CCDC191: variants seen among roughly 807,000 people sequenced by gnomAD.
CCDC191 encodes coiled-coil domain containing 191, also known as coiled-coil domain-containing protein 191.
Under a neutral mutation model 114.0 loss-of-function variants are expected in CCDC191, and 99 were observed. The observed-to-expected ratio is 0.87, with a 90% CI of 0.74 to 1.03. The LOEUF (loss-of-function observed/expected upper bound fraction) is 1.03, where lower values mean the gene tolerates loss of function less well. Among genes scored for constraint, CCDC191 ranks in the 50% least tolerant of loss-of-function variants. CCDC191 has a pLI of 0.00. For missense variants in CCDC191, 973 were observed against 1,087.0 expected, an observed-to-expected ratio of 0.90 and a Z score of 1.47; for synonymous variants, 351 against 376.0, an observed-to-expected ratio of 0.93 and a Z score of 0.77.
intron 7 of CCDC191, among the ~76,000 whole-genome samples, chr3:114,023,179 C>T (rs1429632964): frequency 4.6e-5 from 7 of 152,136 alleles, no homozygotes; most frequent in Non-Finnish European, 1.5e-5. Context: ...AGGAGAACTA[C>T]AAACCACTGC....
chr3:114,036,635 A>G lies in CCDC191; in HGVS notation c.567T>C (p.Arg189=). 6.2e-7 allele frequency: 1 copy of G among 1,602,462 alleles called. No homozygotes were observed. The highest frequency in any genetic ancestry group is 8.5e-7 in the Non-Finnish European group (1 of 1,173,722). The change falls in exon 5 of 17, where the codon CGT becomes CGC. Residue 189 remains arginine, a synonymous_variant. Transcript: ENST00000295878. ...NQDKKQQKDP[R]LTMEMRHKQV... is the part of the protein sequence containing the mutation. ...GCTTATGTCTCATCTCCATGGTAAG[A>G]CGAGGATCCTTCTGCTGCTTCTTGT...
intron 8 of CCDC191, among the ~76,000 whole-genome samples, chr3:114,016,229 T>C (rs1315375207): frequency 6.6e-6 from 1 of 152,232 alleles, no homozygotes; most frequent in Non-Finnish European, 1.5e-5. Context: ...TAAGTTTCTA[T>C]AGTGAGTAAC....
At chr3:113,988,572 G>A (rs2075448595) in intron 13 of CCDC191, among the ~76,000 whole-genome samples, 1 of 141,106 alleles carries the variant, frequency 7.1e-6, no homozygotes, top group African/African-American at 2.7e-5. Flanking sequence ...GTTGTGGTGA[G>A]CAGAGATCAC....
At position 113,978,323 on chromosome 3, in the gene CCDC191, A is replaced by G. The variant is rs559557017; in HGVS notation, c.2469T>C (p.Ile823=). 8 of 1,613,832 alleles carry G rather than the reference A, an allele frequency of 5.0e-6. No homozygotes were observed. Among genetic ancestry groups the G allele is most frequent in the South Asian group, 4.4e-5 (4 of 91,078 alleles). The stretch of plus-strand genomic sequence containing the variant: ...ATTTTCTTACTTCTTCCTGCAGATC[A>G]ATCACGTACTGGGGATGAAGACAGA... ...RVIQSWLQYV[I]DLQEEVRKFC... The change falls in exon 16 of 17, where the codon ATT becomes ATC. Residue 823 remains isoleucine (I), a synonymous_variant. Coordinates refer to ENST00000295878, the MANE Select transcript of CCDC191 (RefSeq NM_020817.2).
chr3:113,978,876 G>T lies in CCDC191; in HGVS notation c.2442C>A (p.Val814=). The change falls in exon 15 of 17, where the codon GTC becomes GTA. Residue 814 remains valine (V), a synonymous_variant. Coordinates refer to ENST00000295878, the MANE Select transcript of CCDC191 (RefSeq NM_020817.2). ...QFYSQILLKR[V]IQSWLQYVID... ...TCCTTACCTGTAGCCAGCTCTGGAT[G>T]ACTCTCTTAAGCAGTATTTGGGAAT... The T allele has an allele frequency of 6.2e-7, 1 of 1,613,972 alleles. No individual in the cohort carries two copies. The highest frequency in any genetic ancestry group is 8.5e-7 in the Non-Finnish European group (1 of 1,179,904).
Position 114,036,671 on chromosome 3 carries a change from C to T in CCDC191, c.531G>A (p.Lys177=). 2 of 1,604,080 alleles carry T rather than the reference C, an allele frequency of 1.2e-6. No homozygotes were observed. Among genetic ancestry groups the T allele is most frequent in the African/African-American group, 1.3e-5 (1 of 74,422 alleles). ...TCTGCTGCTTCTTGTCTTGGTTTTC[C>T]TTCCTTCCAAGATCTTCCATCATTG... ...DSAMMEDLGR[K]ENQDKKQQKD... is the part of the protein sequence containing the mutation. Residue 177 remains lysine, a synonymous_variant, in exon 5 of 17, where the codon AAG becomes AAA. Coordinates refer to ENST00000295878, the MANE Select transcript of CCDC191 (RefSeq NM_020817.2).
Position 114,027,610 on chromosome 3 carries a change from A to AG in CCDC191, c.972+4015_972+4016insC, listed in dbSNP as rs112855291. On this transcript the variant is annotated intron_variant, in intron 7 of 16. Transcript: ENST00000295878. ...GGGCAAGACTCTGTCTCAAAAAAAA[A>AG]AAAAAAAAAAAAGAAAAAAAAATCC... Among the ~76,000 whole-genome samples the AG allele has an allele frequency of 4.8e-3, 723 of 149,310 alleles. 6 individuals are homozygous for AG. Among genetic ancestry groups the AG allele is most frequent in the African/African-American group, 0.016 (655 of 41,002 alleles).
At position 114,031,747 on chromosome 3, in the gene CCDC191, T is replaced by C; in HGVS notation, c.851A>G (p.Asn284Ser). 1 of 1,490,122 alleles carries C rather than the reference T, an allele frequency of 6.7e-7. No individual in the cohort carries two copies. Among genetic ancestry groups the C allele is most frequent in the Non-Finnish European group, 9.3e-7 (1 of 1,069,998 alleles). 92.3% of individuals were successfully genotyped at this position (1,490,122 alleles called of 1,614,324 possible). A position where few individuals can be genotyped will look rare whatever the true frequency, so the allele number is the denominator to read the frequency against. The change falls in exon 7 of 17, where the codon AAT becomes AGT. Residue 284 changes from asparagine to serine, a missense_variant. Physicochemically the swap from Asn to Ser is conservative, Grantham distance 46. Transcript: ENST00000295878. ...EKKRQEENSQ[N>S]SSEKVMFQST... ...TTGAAACATGACTTTTTCTGAACTATTTTGAGAATTCTCTTCTTGCCTTTT... is the reference window on the plus strand; with the variant it reads ...TTGAAACATGACTTTTTCTGAACTACTTTGAGAATTCTCTTCTTGCCTTTT...
At chr3:113,986,221 A>G (rs552470623) in intron 13 of CCDC191, among the ~76,000 whole-genome samples, 1 of 152,366 alleles carries the variant, frequency 6.6e-6, no homozygotes, top group African/African-American at 2.4e-5. Context: ...CTGCTAGAAG[A>G]TACAGCCAAG....
intron 7 of CCDC191, among the ~76,000 whole-genome samples, chr3:114,024,490 C>T (rs565724051): frequency 6.6e-6 from 1 of 152,124 alleles, no homozygotes; most frequent in East Asian, 1.9e-4. Flanking sequence ...GAAAATGTGG[C>T]ACATATACAC....
At chr3:113,979,555 TAAAC>T (rs2075065270) in intron 14 of CCDC191, among the ~76,000 whole-genome samples, 2 of 152,202 alleles carry the variant, frequency 1.3e-5, no homozygotes, top group African/African-American at 4.8e-5. Context: ...TCTATCAAAA[TAAAC>T]ATACAAATCA....
intron 2 of CCDC191, among the ~76,000 whole-genome samples, chr3:114,051,525 T>C (rs1559937039): frequency 6.6e-6 from 1 of 152,186 alleles, no homozygotes; most frequent in Non-Finnish European, 1.5e-5. Flanking sequence ...CCCAGGAGTT[T>C]GAGACTAGCC....
At chr3:113,981,581 C>T (rs1229212108) in intron 13 of CCDC191, among the ~76,000 whole-genome samples, 2 of 152,148 alleles carry the variant, frequency 1.3e-5, no homozygotes, top group African/African-American at 4.8e-5. Flanking sequence ...CTTTCATAGT[C>T]GTCATCTTTG....
At chr3:114,035,260 C>G in intron 5 of CCDC191, 112 bp from the exon 6 acceptor site, 1 of 702,014 alleles carries the variant, frequency 1.4e-6, no homozygotes, top group Non-Finnish European at 2.4e-6. Flanking sequence ...AATATGCTGG[C>G]CCAGAACTCC....
intron 16 of CCDC191, among the ~76,000 whole-genome samples, chr3:113,968,626 GT>G (rs373015779): frequency 8.0e-4 from 109 of 136,906 alleles, no homozygotes; most frequent in South Asian, 3.6e-3. Context: ...ATAGTTTTTT[GT>G]TTTTTTTTTT....
rs575661748 is a variant in CCDC191, at chr3:114,017,313, T to C, written c.1163+1365A>G. On this transcript the variant is annotated intron_variant, in intron 8 of 16. Coordinates refer to ENST00000295878, the MANE Select transcript of CCDC191 (RefSeq NM_020817.2). Reference sequence around the variant, plus strand: ...AAGCTCAGATCAAGGCCCATCTTCTTGATAATGCCTTTCCTGGCACTCTTT... The same window carrying C: ...AAGCTCAGATCAAGGCCCATCTTCTCGATAATGCCTTTCCTGGCACTCTTT... Among the ~76,000 whole-genome samples, 9 of 152,270 alleles carry C rather than the reference T, an allele frequency of 5.9e-5. No individual in the cohort carries two copies. The South Asian group carries it at 1.9e-3, about 32-fold the overall frequency.
intron 11 of CCDC191, chr3:114,004,302 G>A: frequency 4.0e-6 from 4 of 999,796 alleles, no homozygotes; most frequent in Non-Finnish European, 4.8e-6. Context: ...GTTTGTCCTT[G>A]GCAGTTACTC....
intron 13 of CCDC191, among the ~76,000 whole-genome samples, chr3:113,986,194 G>A (rs1190337702): frequency 6.6e-6 from 1 of 152,052 alleles, no homozygotes; most frequent in Non-Finnish European, 1.5e-5. Flanking sequence ...AGATAAAGAG[G>A]CACTTCAACT....
intron 4 of CCDC191, among the ~76,000 whole-genome samples, chr3:114,040,354 T>C (rs190481297): frequency 6.6e-6 from 1 of 152,314 alleles, no homozygotes; most frequent in East Asian, 1.9e-4. Flanking sequence ...CATGATTGTA[T>C]TATTGTTGAA....
Sources: gnomAD v4.1 joint callset for allele counts (sites outside exome capture counted in the v4.1 genomes callset) on GRCh38, gnomAD v4.1.1 for gene constraint, MANE v1.5 for transcripts, NCBI Gene and HGNC (gene_info 2026-07-23, HGNC 2026-07-21) for gene names.